CACNG7: variants seen among roughly 807,000 people sequenced by gnomAD.
CACNG7 encodes voltage-dependent calcium channel gamma-7 subunit.
CACNG7 carries 9 observed loss-of-function variants against 26.3 expected under a neutral mutation model. The observed-to-expected ratio is 0.34, with a 90% CI of 0.21 to 0.60. The LOEUF (loss-of-function observed/expected upper bound fraction) is 0.60. Ranked by LOEUF, CACNG7 falls within the 20% of genes least tolerant of loss-of-function variation. CACNG7 has a pLI of 0.81. For missense variants in CACNG7, 297 were observed against 380.4 expected, an observed-to-expected ratio of 0.78 and a Z score of 1.82; for synonymous variants, 170 against 157.0, an observed-to-expected ratio of 1.08 and a Z score of -0.62.
chr19:53,915,519 C>CTTGGGGG lies in CACNG7; in HGVS notation c.424+22_424+28dup. ...TCATACTATCGGGTGAGCCTAAGGA[C>CTTGGGGG]TTGGGGGTTGGGGGGGACCATTTCC... On this transcript the variant is annotated intron_variant, in intron 4 of 5. Transcript: ENST00000391767. 1 of 1,613,488 alleles carries CTTGGGGG rather than the reference C, an allele frequency of 6.2e-7. No homozygotes were observed. The highest frequency in any genetic ancestry group is 1.7e-5 in the Admixed American group (1 of 59,954).
In CACNG7 at chr19:53,942,401, G is replaced by C. The variant is rs1311470097; in HGVS notation, c.*108G>C. ...CCTCGGGACTCCTCGCTCCCACCCG[G>C]AGGAGGCTGCGCCAGCTTTAGGCCC... On this transcript the variant is annotated 3_prime_UTR_variant, in exon 6 of 6. Coordinates refer to ENST00000391767, the MANE Select transcript of CACNG7 (RefSeq NM_031896.5). The surrounding 1 kb of genome is among the most constrained non-coding windows in gnomAD (Gnocchi z 5.9). 9 of 1,510,574 alleles carry C rather than the reference G, an allele frequency of 6.0e-6. No homozygotes were observed. In the East Asian group the frequency reaches 2.1e-4, roughly 35 times the overall value. The allele number at this position is 1,510,574 out of a possible 1,614,324, so 93.6% of individuals were successfully genotyped here.
At chr19:53,910,141 C>T (rs2068853405) in intron 1 of CACNG7, among the ~76,000 whole-genome samples, 1 of 152,030 alleles carries the variant, frequency 6.6e-6, no homozygotes, top group African/African-American at 2.4e-5. Flanking sequence ...GGGACGAGGT[C>T]CCAGCTGAGA....
chr19:53,932,210 T>C (rs2069077461), intron 4 of CACNG7, among the ~76,000 whole-genome samples: 1 of 137,428 alleles, frequency 7.3e-6, no homozygotes, highest in African/African-American at 2.8e-5. Context: ...GCTATGATGG[T>C]ACCACTGCAC....
intron 2 of CACNG7, 82 bp downstream of exon 2, chr19:53,913,109 A>C: frequency 4.7e-6 from 6 of 1,272,088 alleles, no homozygotes; most frequent in Non-Finnish European, 6.5e-6. Flanking sequence ...CCATCCCTTG[A>C]GTTCCAGAAA....
At chr19:53,915,255 G>A in intron 3 of CACNG7, 110 bp from the exon 4 acceptor site, 1 of 759,944 alleles carries the variant, frequency 1.3e-6, no homozygotes, top group Non-Finnish European at 2.2e-6. Flanking sequence ...GTAAGGAAAG[G>A]GAGGAGCCAA....
intron 4 of CACNG7, among the ~76,000 whole-genome samples, chr19:53,926,034 C>G (rs759832904): frequency 2.0e-5 from 3 of 152,296 alleles, no homozygotes; most frequent in Middle Eastern, 3.4e-3. Flanking sequence ...CTTATTCATT[C>G]AATCTTCAGA....
chr19:53,928,814 A>G (rs1260985801), intron 4 of CACNG7, among the ~76,000 whole-genome samples: 1 of 152,024 alleles, frequency 6.6e-6, no homozygotes, highest in Non-Finnish European at 1.5e-5. Flanking sequence ...ACAAACATAC[A>G]GAATAAGGCC....
rs2069143192 is a variant in CACNG7, at chr19:53,942,307, G to A, written c.*14G>A. ...TCGCCCTGCTGAGGCCCGCCCCTCG[G>A]AGCTCCCCCTGCCTCCTCCTCCTCC... is the stretch of plus-strand genomic sequence containing the variant. On this transcript the variant is annotated 3_prime_UTR_variant, in exon 6 of 6. Coordinates refer to ENST00000391767, the MANE Select transcript of CACNG7 (RefSeq NM_031896.5). This position sits in a 1 kb window ranked among gnomAD's most constrained non-coding sequence, Gnocchi z 5.9. 3.1e-6 allele frequency: 5 copies of A among 1,597,696 alleles called. No homozygotes were observed. The highest frequency in any genetic ancestry group is 4.3e-6 in the Non-Finnish European group (5 of 1,173,022).
chr19:53,932,920 G>C (rs1244675803), intron 4 of CACNG7, among the ~76,000 whole-genome samples: 1 of 150,768 alleles, frequency 6.6e-6, no homozygotes, highest in African/African-American at 2.4e-5. Context: ...CGATTCTCTG[G>C]CCTCAGCCTC....
At chr19:53,923,059 C>CAGTTGTCCCAGGCCTGGTCATTGGTGG (rs2068977584) in intron 4 of CACNG7, among the ~76,000 whole-genome samples, 1 of 44,876 alleles carries the variant, frequency 2.2e-5, no homozygotes, top group Non-Finnish European at 3.8e-5. Context: ...GTCATTGGTG[C>CAGTTGTCCCAGGCCTGGTCATTGGTGG]AGTTGTCCCC....
intron 4 of CACNG7, among the ~76,000 whole-genome samples, chr19:53,923,722 T>G (rs1388976053): frequency 2.0e-5 from 2 of 102,102 alleles, no homozygotes; most frequent in Non-Finnish European, 3.6e-5. Context: ...CCAGGTCTGG[T>G]CATTGGTGGA....
intron 4 of CACNG7, among the ~76,000 whole-genome samples, chr19:53,917,996 A>C (rs899708835): frequency 6.6e-6 from 1 of 152,198 alleles, no homozygotes; most frequent in Non-Finnish European, 1.5e-5. Context: ...ACAATAGAGT[A>C]ATTCGGAAGA....
At chr19:53,914,382 G>T in intron 2 of CACNG7, 118 bp from the exon 3 acceptor site, 1 of 731,082 alleles carries the variant, frequency 1.4e-6, no homozygotes, top group South Asian at 1.7e-5. Context: ...CGTAACCCTT[G>T]GGTTAGGCCT....
rs2068849702 is a variant in CACNG7 at position 53,909,560 on chromosome 19, C to G, written c.-30+43C>G. 6.6e-6 allele frequency: 1 copy of G among 152,470 alleles called. No individual in the cohort carries two copies. Among genetic ancestry groups the G allele is most frequent in the African/African-American group, 2.4e-5 (1 of 41,452 alleles). 9.4% of individuals were successfully genotyped at this position (152,470 alleles called of 1,614,324 possible). On this transcript the variant is annotated intron_variant, in intron 1 of 5. Coordinates refer to ENST00000391767, the MANE Select transcript of CACNG7 (RefSeq NM_031896.5). The surrounding 1 kb of genome is among the most constrained non-coding windows in gnomAD (Gnocchi z 5.1). ...GTCCTGGGAGGAAGAAGGGGCGCCC[C>G]TCGAGGTGGCTGCGAGCCGGGTTTG...
intron 4 of CACNG7, among the ~76,000 whole-genome samples, chr19:53,935,997 G>A (rs1269635842): frequency 1.3e-5 from 2 of 150,260 alleles, no homozygotes; most frequent in African/African-American, 2.4e-5. Flanking sequence ...CTAAGATCAC[G>A]CTTTGCATTT....
chr19:53,913,102 T>A lies in CACNG7; in HGVS notation c.196+75T>A, dbSNP rs28580646. 2,147 of 1,302,538 alleles carry A rather than the reference T, an allele frequency of 1.6e-3. 35 individuals carry two copies. The African/African-American group carries it at 0.029, about 18-fold the overall frequency. 80.7% of individuals were successfully genotyped at this position (1,302,538 alleles called of 1,614,324 possible). ...TCTGAGAGTCTTAGCCATAGTCCCA[T>A]CCCTTGAGTTCCAGAAATCCAGAAA... On this transcript the variant is annotated intron_variant, in intron 2 of 5. Transcript: ENST00000391767.
At chr19:53,931,310 C>T (rs1023627602) in intron 4 of CACNG7, among the ~76,000 whole-genome samples, 2 of 152,038 alleles carry the variant, frequency 1.3e-5, no homozygotes, top group African/African-American at 2.4e-5. Flanking sequence ...TTAAACTGTC[C>T]TGGCTATTTC....
Position 53,941,319 on chromosome 19 carries a change from C to A in CACNG7, c.425-151C>A, listed in dbSNP as rs181978843. ...GTGGTTGTTGATTCATCTCTGGGCT[C>A]CCTGCACCCAACCAAGGCCCAGCAT... On this transcript the variant is annotated intron_variant, in intron 4 of 5. Transcript: ENST00000391767. 198 of 785,172 alleles carry A rather than the reference C, an allele frequency of 2.5e-4. 1 individual carries two copies. Among genetic ancestry groups the A allele is most frequent in the Admixed American group, 1.5e-3 (46 of 30,502 alleles). The allele number at this position is 785,172 out of a possible 1,614,324, so 48.6% of individuals were successfully genotyped here. A position where few individuals can be genotyped will look rare whatever the true frequency, so the allele number is the denominator to read the frequency against.
intron 5 of CACNG7, 32 bp downstream of exon 5, chr19:53,941,647 C>T (rs781135024): frequency 2.4e-5 from 38 of 1,598,914 alleles, no homozygotes; most frequent in Non-Finnish European, 3.1e-5. Context: ...CTCTAGAGTT[C>T]TGAATGGAGA....
Sources: gnomAD v4.1 joint callset for allele counts (sites outside exome capture counted in the v4.1 genomes callset) on GRCh38, gnomAD v4.1.1 for gene constraint, Gnocchi (gnomAD v3.1) non-coding constraint, MANE v1.5 for transcripts, NCBI Gene and HGNC (gene_info 2026-07-23, HGNC 2026-07-21) for gene names.